The following STAG1 variants were observed in gnomAD, a reference collection of about 807,000 sequenced individuals.
STAG1 encodes the protein STAG1 cohesin complex component.
A neutral mutation model predicts 170.9 loss-of-function variants in STAG1; 26 were observed. The ratio of observed to expected loss-of-function variants is 0.15; its 90% confidence interval spans 0.11 to 0.21. The LOEUF (loss-of-function observed/expected upper bound fraction) is 0.21. Among genes scored for constraint, STAG1 ranks in the 10% least tolerant of loss-of-function variants. STAG1 has a pLI of 1.00. For missense variants in STAG1, 964 were observed against 1,509.5 expected (o/e 0.64, Z 5.99); for synonymous variants, 514 against 497.7 (o/e 1.03, Z -0.44).
At chr3:136,553,371 T>G (rs1241664112) in intron 5 of STAG1, among the ~76,000 whole-genome samples, 1 of 151,246 alleles carries the variant, frequency 6.6e-6, no homozygotes, top group Non-Finnish European at 1.5e-5. Context: ...GAGATAACAA[T>G]TAAGAAATTT....
chr3:136,622,541 A>C (rs1559914946), intron 3 of STAG1, among the ~76,000 whole-genome samples: 2 of 152,196 alleles, frequency 1.3e-5, no homozygotes, highest in Non-Finnish European at 2.9e-5. Flanking sequence ...AAGGAGGCTA[A>C]GAGTTTCCAT....
chr3:136,525,878 T>C (rs1282366490), intron 6 of STAG1, among the ~76,000 whole-genome samples: 2 of 152,200 alleles, frequency 1.3e-5, no homozygotes, highest in Admixed American at 6.5e-5. Flanking sequence ...AGGAGCAGGT[T>C]GTTTAGTTTC....
intron 1 of STAG1, among the ~76,000 whole-genome samples, chr3:136,710,690 A>G (rs945951489): frequency 6.6e-6 from 1 of 152,200 alleles, no homozygotes; most frequent in Non-Finnish European, 1.5e-5. Context: ...AGAAAAATCT[A>G]AAACTTAAAA....
intron 1 of STAG1, among the ~76,000 whole-genome samples, chr3:136,685,091 G>T (rs1250899960): frequency 6.6e-6 from 1 of 152,118 alleles, no homozygotes; most frequent in Non-Finnish European, 1.5e-5. Flanking sequence ...AAGGCAGGTG[G>T]ATCACCTGAG....
In STAG1 at chr3:136,615,777, C is replaced by A. The variant is rs868682603; in HGVS notation, c.132+7369G>T. ...TGGGCAATAGAGCAAGACTCCAAAT[C>A]AAAAAAAAAAAGAAAATGAAAAAAA... On this transcript the variant is annotated intron_variant, in intron 3 of 33. Transcript: ENST00000383202. Among the ~76,000 whole-genome samples, 141 of 130,984 alleles carry A rather than the reference C, an allele frequency of 1.1e-3. 1 individual carries two copies. Among genetic ancestry groups the A allele is most frequent in the South Asian group, 5.3e-3 (22 of 4,140 alleles). 85.9% of individuals were successfully genotyped at this position (130,984 alleles called of 152,430 possible). A position where few individuals can be genotyped will look rare whatever the true frequency, so the allele number is the denominator to read the frequency against.
chr3:136,398,082 G>C (rs1428411046), intron 22 of STAG1, among the ~76,000 whole-genome samples: 1 of 151,522 alleles, frequency 6.6e-6, no homozygotes, highest in Non-Finnish European at 1.5e-5. Context: ...CAGTAGCTGG[G>C]ATTACAGGCA....
chr3:136,373,915 T>C (rs1070304), intron 23 of STAG1, among the ~76,000 whole-genome samples: 151,991 of 152,154 alleles, frequency 1, 75,914 homozygotes, highest in Middle Eastern at 1. Context: ...CTTTCTGTCT[T>C]GATCTGTCTA....
intron 6 of STAG1, among the ~76,000 whole-genome samples, chr3:136,528,834 G>T (rs943204488): frequency 2.6e-5 from 4 of 151,940 alleles, no homozygotes; most frequent in Non-Finnish European, 4.4e-5. Flanking sequence ...GGAGGCTGAA[G>T]TGGGAGAATC....
At chr3:136,543,600 A>G (rs1936008112) in intron 5 of STAG1, among the ~76,000 whole-genome samples, 1 of 152,218 alleles carries the variant, frequency 6.6e-6, no homozygotes, top group African/African-American at 2.4e-5. Flanking sequence ...AGAGTAAGAC[A>G]TAGTAGGGTT....
intron 28 of STAG1, among the ~76,000 whole-genome samples, chr3:136,349,901 T>G (rs1936371007): frequency 6.6e-6 from 1 of 152,164 alleles, no homozygotes; most frequent in East Asian, 1.9e-4. Context: ...CGCCTGTAAA[T>G]CCCAGCACTT....
At chr3:136,582,951 A>AT (rs1276586373) in intron 4 of STAG1, among the ~76,000 whole-genome samples, 4 of 152,192 alleles carry the variant, frequency 2.6e-5, no homozygotes, top group African/African-American at 4.8e-5. Context: ...AGAGAAATTC[A>AT]TTACCTTTAT....
At chr3:136,743,862 A>G (rs1426052033) in intron 1 of STAG1, among the ~76,000 whole-genome samples, 1 of 152,244 alleles carries the variant, frequency 6.6e-6, no homozygotes, top group East Asian at 1.9e-4. Context: ...AAAGGGATAC[A>G]TAATACACTG....
At chr3:136,553,416 T>A (rs1339680403) in intron 5 of STAG1, among the ~76,000 whole-genome samples, 1 of 152,156 alleles carries the variant, frequency 6.6e-6, no homozygotes, top group Non-Finnish European at 1.5e-5. Flanking sequence ...CCTGCCCCTG[T>A]CAAAATATAT....
At chr3:136,639,035 A>C (rs1940692289) in intron 1 of STAG1, among the ~76,000 whole-genome samples, 2 of 152,032 alleles carry the variant, frequency 1.3e-5, no homozygotes, top group Admixed American at 6.6e-5. Flanking sequence ...CCTTATCCTA[A>C]ATCACCCTGC....
chr3:136,570,568 G>T (rs1205087290), intron 4 of STAG1, among the ~76,000 whole-genome samples: 1 of 152,090 alleles, frequency 6.6e-6, no homozygotes. Flanking sequence ...GTTAACACAC[G>T]TTACACACAC....
intron 5 of STAG1, among the ~76,000 whole-genome samples, chr3:136,544,861 C>T (rs1936084003): frequency 6.6e-6 from 1 of 152,070 alleles, no homozygotes; most frequent in African/African-American, 2.4e-5. Context: ...GTCTAACACA[C>T]TTAGCAAAAG....
At chr3:136,565,033 G>GGCAGGCAGGCAC (rs1937009272) in intron 5 of STAG1, among the ~76,000 whole-genome samples, 1 of 105,656 alleles carries the variant, frequency 9.5e-6, no homozygotes, top group African/African-American at 4.6e-5. Flanking sequence ...CAGGCAGGCA[G>GGCAGGCAGGCAC]GCAGGCAGAA....
chr3:136,403,224 T>TAAAAAAAAAAAAAAAAAAAAAAA (rs55678408), intron 21 of STAG1, among the ~76,000 whole-genome samples: 54 of 33,588 alleles, frequency 1.6e-3, no homozygotes, highest in African/African-American at 3.0e-3. Flanking sequence ...GAGACTGTCT[T>TAAAAAAAAAAAAAAAAAAAAAAA]AAAAAAAAAA....
At chr3:136,730,559 T>TA (rs1429094028) in intron 1 of STAG1, among the ~76,000 whole-genome samples, 2 of 152,250 alleles carry the variant, frequency 1.3e-5, no homozygotes, top group Non-Finnish European at 2.9e-5. Flanking sequence ...CCATGTTTGA[T>TA]ACATTTTCAA....
Sources: gnomAD v4.1 joint callset for allele counts (sites outside exome capture counted in the v4.1 genomes callset) on GRCh38, gnomAD v4.1.1 for gene constraint, MANE v1.5 for transcripts, NCBI Gene and HGNC (gene_info 2026-07-23, HGNC 2026-07-21) for gene names.